Variants in TTC29 observed in about 807,000 individuals in gnomAD.
TTC29 encodes tetratricopeptide repeat protein 29.
TTC29 carries 49 observed loss-of-function variants against 58.1 expected under a neutral mutation model. That is an observed-to-expected ratio of 0.84 (90% CI 0.67 to 1.07). TTC29 has a LOEUF of 1.07. Among genes scored for constraint, TTC29 ranks in the 50% least tolerant of loss-of-function variants. TTC29 has a pLI of 0.00. For missense variants in TTC29, 582 were observed against 555.6 expected (o/e 1.05, Z -0.48); for synonymous variants, 209 against 196.8 (o/e 1.06, Z -0.52).
At chr4:146,751,625 A>G (rs1745999834) in intron 11 of TTC29, among the ~76,000 whole-genome samples, 1 of 152,234 alleles carries the variant, frequency 6.6e-6, no homozygotes, top group African/African-American at 2.4e-5. Flanking sequence ...TCTAAAGGGT[A>G]ATTAAAAATA....
intron 11 of TTC29, among the ~76,000 whole-genome samples, chr4:146,747,565 A>G (rs1231904078): frequency 6.6e-6 from 1 of 152,212 alleles, no homozygotes; most frequent in African/African-American, 2.4e-5. Flanking sequence ...CCCTGGCTCC[A>G]GAGCAAATGT....
At chr4:146,915,293 T>C (rs1484850866) in intron 4 of TTC29, among the ~76,000 whole-genome samples, 2 of 152,148 alleles carry the variant, frequency 1.3e-5, no homozygotes, top group Non-Finnish European at 1.5e-5. Context: ...ATTTATTGCA[T>C]TGATTAGGAA....
intron 11 of TTC29, among the ~76,000 whole-genome samples, chr4:146,742,671 T>G (rs1013838547): frequency 1.5e-5 from 2 of 135,068 alleles, no homozygotes; most frequent in Non-Finnish European, 3.2e-5. Context: ...TTTACTTCAA[T>G]TCCTTCTTTC....
chr4:146,784,805 T>TAAG (rs1748887586), intron 11 of TTC29, among the ~76,000 whole-genome samples: 1 of 152,182 alleles, frequency 6.6e-6, no homozygotes, highest in Non-Finnish European at 1.5e-5. Context: ...TCTGTGAAAT[T>TAAG]AAGTTTCTTT....
chr4:146,708,302 G>T (rs2149985180), intron 11 of TTC29, among the ~76,000 whole-genome samples: 1 of 107,994 alleles, frequency 9.3e-6, no homozygotes, highest in Non-Finnish European at 1.7e-5. Flanking sequence ...GTCAAATATG[G>T]GAAGTTTATA....
At chr4:146,867,988 C>A (rs1730676899) in intron 7 of TTC29, among the ~76,000 whole-genome samples, 1 of 152,098 alleles carries the variant, frequency 6.6e-6, no homozygotes, top group African/African-American at 2.4e-5. Flanking sequence ...CTGCTACATA[C>A]ATAAAACAAC....
intron 11 of TTC29, among the ~76,000 whole-genome samples, chr4:146,776,173 TC>T (rs1172400516): frequency 6.6e-6 from 1 of 152,176 alleles, no homozygotes; most frequent in African/African-American, 2.4e-5. Context: ...GGCCATTTCA[TC>T]TTTTATTTTC....
At chr4:146,923,150 G>T (rs1409172338) in intron 4 of TTC29, among the ~76,000 whole-genome samples, 1 of 151,828 alleles carries the variant, frequency 6.6e-6, no homozygotes, top group Non-Finnish European at 1.5e-5. Flanking sequence ...CAGAAAGACT[G>T]CAGAGGAAGA....
rs1728418787 is a variant in TTC29, at chr4:146,835,085, AT to A, written c.886-1189del. Among the ~76,000 whole-genome samples, 3 of 152,296 alleles carry A rather than the reference AT, an allele frequency of 2.0e-5. No homozygotes were observed. The South Asian group carries it at 6.2e-4, about 32-fold the overall frequency. The stretch of plus-strand genomic sequence containing the variant: ...ATATCTATCACCTCACCAAATTACC[AT>A]TTGTTAATGTGGTGAGAATGTTAAA... On this transcript the variant is annotated intron_variant, in intron 8 of 12. Coordinates refer to ENST00000325106, the MANE Select transcript of TTC29 (RefSeq NM_031956.4).
At chr4:146,939,426 G>A (rs552325057) in intron 3 of TTC29, among the ~76,000 whole-genome samples, 29 of 152,212 alleles carry the variant, frequency 1.9e-4, no homozygotes, top group East Asian at 7.7e-4. Context: ...CTGCACTCCC[G>A]CCTAGGTGAC....
intron 12 of TTC29, 82 bp downstream of exon 12, chr4:146,707,403 T>C (rs1742038925): frequency 9.6e-7 from 1 of 1,037,054 alleles, no homozygotes. Flanking sequence ...GCTCCTCTTT[T>C]TGTGTTTGGA....
At chr4:146,786,871 G>C (rs773568335) in intron 11 of TTC29, among the ~76,000 whole-genome samples, 1 of 152,034 alleles carries the variant, frequency 6.6e-6, no homozygotes, top group African/African-American at 2.4e-5. Flanking sequence ...CCAGTGCTTT[G>C]GGAGGCCAAG....
chr4:146,861,215 T>C (rs1472916193), intron 8 of TTC29, among the ~76,000 whole-genome samples: 4 of 152,210 alleles, frequency 2.6e-5, no homozygotes, highest in African/African-American at 9.6e-5. Context: ...TTTACGTTGG[T>C]ATGTGGCTGG....
rs10434195 is a variant in TTC29 at position 146,852,830 on chromosome 4, A to G, written c.885+14668T>C. Among the ~76,000 whole-genome samples the G allele has an allele frequency of 1.2e-4, 18 of 152,314 alleles. No individual in the cohort carries two copies. In the East Asian group the frequency reaches 3.3e-3, roughly 28 times the overall value. On this transcript the variant is annotated intron_variant, in intron 8 of 12. Coordinates refer to ENST00000325106, the MANE Select transcript of TTC29 (RefSeq NM_031956.4). ...CCATTTTTGATCATAGGGACTTTGG[A>G]CAAAATTACTCAGGATTTCGGAATC...
In TTC29 at chr4:146,929,326, G is replaced by C. The variant is rs76284918; in HGVS notation, c.176+8268C>G. On this transcript the variant is annotated intron_variant, in intron 4 of 12. Coordinates refer to ENST00000325106, the MANE Select transcript of TTC29 (RefSeq NM_031956.4). ...AACACAATGTAAATACACTGAAAAGGGTGGCTGCAGGGCCCAGTCATGCCT... is the reference window on the plus strand; with the variant it reads ...AACACAATGTAAATACACTGAAAAGCGTGGCTGCAGGGCCCAGTCATGCCT... Among the ~76,000 whole-genome samples, 1,487 of 151,930 alleles carry C rather than the reference G, an allele frequency of 9.8e-3. 29 individuals are homozygous for C. Among genetic ancestry groups the C allele is most frequent in the African/African-American group, 0.033 (1,382 of 41,496 alleles).
At chr4:146,819,760 T>C (rs755180771) in intron 10 of TTC29, among the ~76,000 whole-genome samples, 1 of 152,220 alleles carries the variant, frequency 6.6e-6, no homozygotes, top group Non-Finnish European at 1.5e-5. Flanking sequence ...GCGAGAGAGA[T>C]GAATGTCAGT....
At chr4:146,745,993 A>G (rs763475985) in intron 11 of TTC29, among the ~76,000 whole-genome samples, 6 of 152,162 alleles carry the variant, frequency 3.9e-5, no homozygotes, top group Non-Finnish European at 8.8e-5. Context: ...GCAAAGAGAT[A>G]CTTTGCTTTC....
At chr4:146,815,493 T>C (rs1248339488) in intron 10 of TTC29, among the ~76,000 whole-genome samples, 1 of 152,136 alleles carries the variant, frequency 6.6e-6, no homozygotes, top group Admixed American at 6.5e-5. Flanking sequence ...CAATTGCCTT[T>C]GCAAAGTTTG....
intron 11 of TTC29, among the ~76,000 whole-genome samples, chr4:146,786,971 A>G (rs112859832): frequency 0.011 from 1,721 of 152,148 alleles, 31 homozygotes; most frequent in African/African-American, 0.037. Flanking sequence ...GAGAAAAAAA[A>G]TTAGCTGGGT....
Sources: allele counts gnomAD v4.1 joint callset (sites outside exome capture counted in the v4.1 genomes callset), GRCh38; gene constraint gnomAD v4.1.1; transcripts MANE v1.5; gene names NCBI Gene and HGNC (gene_info 2026-07-23, HGNC 2026-07-21).